CYFIP2: variants seen among roughly 807,000 people sequenced by gnomAD.
CYFIP2 encodes the protein cytoplasmic FMR1-interacting protein 2.
A neutral mutation model predicts 158.7 loss-of-function variants in CYFIP2; 29 were observed. The ratio of observed to expected loss-of-function variants is 0.18; its 90% CI spans 0.14 to 0.25. CYFIP2 has a LOEUF of 0.25. Among genes scored for constraint, CYFIP2 ranks in the 10% least tolerant of loss-of-function variants. The probability of loss-of-function intolerance (pLI) is 1.00; values close to 1 mark genes in which losing one functional copy is unlikely to be tolerated. For missense variants in CYFIP2, 852 were observed against 1,639.5 expected, an observed-to-expected ratio of 0.52 and a Z score of 8.29; for synonymous variants, 585 against 617.6, an observed-to-expected ratio of 0.95 and a Z score of 0.78.
rs1051322905 is a variant in CYFIP2, at chr5:157,393,710, A to G, written c.*710A>G. 1 of 152,274 alleles carries G rather than the reference A, an allele frequency of 6.6e-6. No individual in the cohort carries two copies. The highest frequency in any genetic ancestry group is 1.5e-5 in the Non-Finnish European group (1 of 68,102). The allele number at this position is 152,274 out of a possible 1,614,324, so 9.4% of individuals were successfully genotyped here. Reference sequence around the variant, plus strand: ...ATGTATGAACACAGCCAGAAATGTCATAGTCCAAACAGGATGCTTTCAGGC... The same window carrying G: ...ATGTATGAACACAGCCAGAAATGTCGTAGTCCAAACAGGATGCTTTCAGGC... On this transcript the variant is annotated 3_prime_UTR_variant, in exon 31 of 31. Transcript: ENST00000620254.
intron 3 of CYFIP2, chr5:157,288,792 G>T: frequency 2.9e-6 from 1 of 350,030 alleles, no homozygotes; most frequent in Middle Eastern, 3.9e-4. Flanking sequence ...CAAAACCTTT[G>T]CTCCAGACTA....
rs374684859 is a variant in CYFIP2 at position 157,358,359 on chromosome 5, A to G, written c.2674-646A>G. 4.3e-4 allele frequency among the ~76,000 whole-genome samples: 66 copies of G among 152,350 alleles called. 1 individual carries two copies. The South Asian group carries it at 0.011, about 26-fold the overall frequency. ...AGCAGCTCCATTTTGCCTGCTTCAC[A>G]TATGAAGTTCTGTGGCATCTTTCTT... On this transcript the variant is annotated intron_variant, in intron 23 of 30. Transcript: ENST00000620254.
At chr5:157,346,618 G>A (rs1210722847) in intron 23 of CYFIP2, among the ~76,000 whole-genome samples, 1 of 152,170 alleles carries the variant, frequency 6.6e-6, no homozygotes, top group Non-Finnish European at 1.5e-5. Context: ...CGAGAGCCTT[G>A]ATTTCAGGCT....
chr5:157,322,131 G>A (rs574899974), intron 15 of CYFIP2, among the ~76,000 whole-genome samples: 7 of 152,338 alleles, frequency 4.6e-5, no homozygotes, highest in Admixed American at 4.6e-4. Context: ...AGGTGGCACA[G>A]ACATGTTGAA....
intron 30 of CYFIP2, among the ~76,000 whole-genome samples, chr5:157,392,029 A>G (rs138609565): frequency 1.1e-3 from 161 of 152,248 alleles, no homozygotes; most frequent in African/African-American, 3.6e-3. Context: ...GCTGAGTGCT[A>G]TATTCATGTG....
intron 1 of CYFIP2, among the ~76,000 whole-genome samples, chr5:157,282,161 G>T (rs192471856): frequency 2.8e-4 from 43 of 152,302 alleles, no homozygotes; most frequent in African/African-American, 9.1e-4. Flanking sequence ...TGACCTCAAG[G>T]TTCCACAGGC....
At chr5:157,309,918 T>C in intron 10 of CYFIP2, 84 bp downstream of exon 10, 1 of 1,274,324 alleles carries the variant, frequency 7.8e-7, no homozygotes, top group Non-Finnish European at 1.1e-6. Context: ...CAGCCCCTCC[T>C]CCCTCCCCAG....
At chr5:157,372,583 A>G (rs946826324) in intron 26 of CYFIP2, among the ~76,000 whole-genome samples, 14 of 152,196 alleles carry the variant, frequency 9.2e-5, no homozygotes, top group Non-Finnish European at 1.6e-4. Context: ...TGTCTTTTCC[A>G]GCTACCCTGC....
At chr5:157,328,111 T>C (rs1761168234) in intron 19 of CYFIP2, 62 bp downstream of exon 19, 1 of 1,511,862 alleles carries the variant, frequency 6.6e-7, no homozygotes, top group Non-Finnish European at 9.1e-7. Flanking sequence ...AAGACATGAT[T>C]TTCTGTTGTG....
At chr5:157,365,863 A>G (rs932381985) in intron 26 of CYFIP2, among the ~76,000 whole-genome samples, 3 of 151,596 alleles carry the variant, frequency 2.0e-5, no homozygotes, top group African/African-American at 4.9e-5. Flanking sequence ...CAGTTACTCT[A>G]GTATTCTCAT....
chr5:157,374,701 A>G (rs897434154), intron 26 of CYFIP2, among the ~76,000 whole-genome samples: 1 of 152,206 alleles, frequency 6.6e-6, no homozygotes, highest in Non-Finnish European at 1.5e-5. Context: ...AGCCCAGGAC[A>G]CTAACTGGAT....
At chr5:157,354,399 T>G (rs930229711) in intron 23 of CYFIP2, among the ~76,000 whole-genome samples, 1 of 152,158 alleles carries the variant, frequency 6.6e-6, no homozygotes, top group Non-Finnish European at 1.5e-5. Context: ...CTTGTTTTTC[T>G]TTGCCAACCC....
At chr5:157,302,001 C>T (rs937593533) in intron 6 of CYFIP2, among the ~76,000 whole-genome samples, 1 of 152,178 alleles carries the variant, frequency 6.6e-6, no homozygotes, top group African/African-American at 2.4e-5. Context: ...GGCTGGGCCC[C>T]ATCTCAAGGC....
chr5:157,290,727 T>G (rs1757756520), intron 3 of CYFIP2, among the ~76,000 whole-genome samples: 1 of 152,192 alleles, frequency 6.6e-6, no homozygotes, highest in Non-Finnish European at 1.5e-5. Context: ...AAATCTCCCT[T>G]CAGTCAACAG....
chr5:157,358,287 C>T (rs1763557194), intron 23 of CYFIP2, among the ~76,000 whole-genome samples: 1 of 152,196 alleles, frequency 6.6e-6, no homozygotes, highest in Non-Finnish European at 1.5e-5. Context: ...GTTCAGCGGA[C>T]AATGGTGGTG....
chr5:157,381,719 C>T (rs566409313), intron 26 of CYFIP2, among the ~76,000 whole-genome samples: 2 of 152,222 alleles, frequency 1.3e-5, no homozygotes, highest in East Asian at 3.9e-4. Context: ...TTTCAGAGTC[C>T]TGGATTGGCA....
At chr5:157,300,665 C>G (rs1758670350) in intron 5 of CYFIP2, 50 bp from the exon 6 acceptor site, 1 of 1,387,634 alleles carries the variant, frequency 7.2e-7, no homozygotes, top group South Asian at 1.8e-5. Flanking sequence ...CTGGACCCTG[C>G]CCCCATAAGG....
rs1410327503 is a variant in CYFIP2 at position 157,266,485 on chromosome 5, G to A, written c.-24+290G>A. 6.6e-6 allele frequency: 1 copy of A among 152,192 alleles called. No homozygotes were observed. Among genetic ancestry groups the A allele is most frequent in the Admixed American group, 6.5e-5 (1 of 15,272 alleles). 9.4% of individuals were successfully genotyped at this position (152,192 alleles called of 1,614,324 possible). ...GCCGCAGCAGCAGGTGCGCGGCCTG[G>A]GCCGGAGCCGCCAGCCCGGGAGGAG... On this transcript the variant is annotated intron_variant, in intron 1 of 30. Coordinates refer to ENST00000620254, the MANE Select transcript of CYFIP2 (RefSeq NM_001037333.3). The surrounding 1 kb of genome is among the most constrained non-coding windows in gnomAD (Gnocchi z 4.2).
chr5:157,335,113 C>G (rs560570754), intron 21 of CYFIP2, among the ~76,000 whole-genome samples: 117 of 152,200 alleles, frequency 7.7e-4, no homozygotes, highest in African/African-American at 2.7e-3. Flanking sequence ...ACCTAGGGTC[C>G]CAGTCCTCTC....
Sources: allele counts gnomAD v4.1 joint callset (sites outside exome capture counted in the v4.1 genomes callset), GRCh38; gene constraint gnomAD v4.1.1; non-coding constraint Gnocchi (gnomAD v3.1); transcripts MANE v1.5; gene names NCBI Gene and HGNC (gene_info 2026-07-23, HGNC 2026-07-21).